Variants in SSBP2 observed in about 807,000 individuals in gnomAD.
SSBP2 encodes single stranded DNA binding protein 2.
Under a neutral mutation model 61.8 loss-of-function variants are expected in SSBP2, and 17 were observed. The ratio of observed to expected loss-of-function variants is 0.28; its 90% CI spans 0.19 to 0.41. The LOEUF (loss-of-function observed/expected upper bound fraction) is 0.41, where lower values mean the gene tolerates loss of function less well. Ranked by LOEUF, SSBP2 falls within the 10% of genes least tolerant of loss-of-function variation. The probability of loss-of-function intolerance (pLI) is 1.00; values close to 1 mark genes in which losing one functional copy is unlikely to be tolerated. For missense variants in SSBP2, 310 were observed against 458.7 expected (o/e 0.68, Z 2.96); for synonymous variants, 139 against 141.3 (o/e 0.98, Z 0.12).
chr5:81,633,336 G>A (rs13169112), intron 3 of SSBP2, among the ~76,000 whole-genome samples: 1 of 151,600 alleles, frequency 6.6e-6, no homozygotes, highest in Non-Finnish European at 1.5e-5. Context: ...GGCTGGTCTC[G>A]AACTCCTGAT....
intron 5 of SSBP2, among the ~76,000 whole-genome samples, chr5:81,501,262 T>TAC (rs1767722130): frequency 2.1e-5 from 1 of 46,528 alleles, no homozygotes; most frequent in Non-Finnish European, 3.9e-5. Context: ...TATATATATA[T>TAC]ATATATACAC....
intron 1 of SSBP2, among the ~76,000 whole-genome samples, chr5:81,737,874 C>T (rs1272282726): frequency 2.6e-5 from 4 of 151,792 alleles, no homozygotes; most frequent in African/African-American, 7.3e-5. Context: ...CCCTTCCATT[C>T]TCAAAACTCC....
At chr5:81,750,359 C>T (rs1054736888) in intron 1 of SSBP2, among the ~76,000 whole-genome samples, 8 of 145,848 alleles carry the variant, frequency 5.5e-5, no homozygotes, top group African/African-American at 1.2e-4. Flanking sequence ...CTCCGCGCCC[C>T]GCGCGCGTCT....
chr5:81,450,493 C>T (rs1026674671), intron 10 of SSBP2, among the ~76,000 whole-genome samples: 20 of 152,146 alleles, frequency 1.3e-4, no homozygotes, highest in African/African-American at 4.6e-4. Context: ...TCTAATTAGC[C>T]TTTAGATATT....
At chr5:81,648,685 T>A (rs1438985467) in intron 2 of SSBP2, among the ~76,000 whole-genome samples, 1 of 152,062 alleles carries the variant, frequency 6.6e-6, no homozygotes, top group African/African-American at 2.4e-5. Flanking sequence ...ACATGTATAA[T>A]TTAAAATTTT....
chr5:81,446,706 T>C (rs1331190237), intron 12 of SSBP2, among the ~76,000 whole-genome samples, 162 bp downstream of exon 12: 4 of 152,226 alleles, frequency 2.6e-5, no homozygotes, highest in Admixed American at 2.0e-4. Flanking sequence ...AACTGGATAA[T>C]ACTTATTTAA....
chr5:81,453,754 C>G (rs1763944411), intron 10 of SSBP2, among the ~76,000 whole-genome samples: 1 of 152,088 alleles, frequency 6.6e-6, no homozygotes, highest in Non-Finnish European at 1.5e-5. Flanking sequence ...CTGTGCCTGG[C>G]CCTGGGTTTA....
intron 1 of SSBP2, among the ~76,000 whole-genome samples, chr5:81,674,832 C>A (rs1232156070): frequency 6.6e-6 from 1 of 152,256 alleles, no homozygotes; most frequent in Admixed American, 6.5e-5. Flanking sequence ...TATGCCACTT[C>A]AGTGTTTTCT....
intron 10 of SSBP2, among the ~76,000 whole-genome samples, chr5:81,451,488 G>A (rs1231355355): frequency 6.6e-6 from 1 of 152,026 alleles, no homozygotes; most frequent in African/African-American, 2.4e-5. Context: ...GTGCAGTGGC[G>A]TGATCTAGGC....
chr5:81,619,508 C>T (rs1334359297), intron 3 of SSBP2, among the ~76,000 whole-genome samples: 5 of 143,274 alleles, frequency 3.5e-5, no homozygotes, highest in East Asian at 2.0e-4. Flanking sequence ...GATTCACAGC[C>T]GAATTCTACC....
intron 9 of SSBP2, among the ~76,000 whole-genome samples, chr5:81,465,011 G>C (rs1035848237): frequency 2.0e-5 from 3 of 151,808 alleles, no homozygotes; most frequent in Non-Finnish European, 4.4e-5. Context: ...CAATATAATA[G>C]TTACACTCTT....
At chr5:81,434,566 T>G (rs1178944637) in intron 15 of SSBP2, among the ~76,000 whole-genome samples, 1 of 133,364 alleles carries the variant, frequency 7.5e-6, no homozygotes, top group Non-Finnish European at 1.5e-5. Context: ...GAGGCGGAGG[T>G]TGCGGTGAGC....
intron 2 of SSBP2, among the ~76,000 whole-genome samples, chr5:81,648,837 AAAGGT>A (rs1223523096): frequency 1.8e-4 from 28 of 152,250 alleles, no homozygotes; most frequent in African/African-American, 6.7e-4. Context: ...TTTAAAAAGA[AAAGGT>A]AAAATTAATT....
chr5:81,463,750 A>C (rs1008127417), intron 9 of SSBP2, among the ~76,000 whole-genome samples: 18 of 151,460 alleles, frequency 1.2e-4, no homozygotes, highest in Non-Finnish European at 2.1e-4. Context: ...ACCAAAGAGA[A>C]AAATCCTCTT....
At chr5:81,484,755 T>C (rs1002687213) in intron 6 of SSBP2, among the ~76,000 whole-genome samples, 1 of 152,164 alleles carries the variant, frequency 6.6e-6, no homozygotes, top group Non-Finnish European at 1.5e-5. Flanking sequence ...ATCATTTCAA[T>C]ATACCATAAT....
At chr5:81,729,177 C>T (rs1756093400) in intron 1 of SSBP2, among the ~76,000 whole-genome samples, 1 of 151,918 alleles carries the variant, frequency 6.6e-6, no homozygotes, top group Admixed American at 6.6e-5. Context: ...AATAAATATG[C>T]TGTCCTCAAT....
Position 81,637,546 on chromosome 5 carries a change from G to A in SSBP2, c.136-928C>T, listed in dbSNP as rs1581223602. ...AAAATATCTTCATTTTAAGCAGAAT[G>A]GGATATGGGCATAAACTTTAACTTT... On this transcript the variant is annotated intron_variant, in intron 2 of 16. Transcript: ENST00000320672. Among the ~76,000 whole-genome samples the A allele has an allele frequency of 2.0e-5, 3 of 152,164 alleles. No homozygotes were observed. In the South Asian group the frequency reaches 6.2e-4, roughly 32 times the overall value.
chr5:81,456,350 C>CT (rs34736090), intron 10 of SSBP2, among the ~76,000 whole-genome samples: 32,357 of 133,354 alleles, frequency 0.24, 4,534 homozygotes, highest in Middle Eastern at 0.32. Context: ...CTATTTCTGC[C>CT]TTTTTTTTTT....
rs191807570 is a variant in SSBP2 at position 81,670,589 on chromosome 5, C to T, written c.63-20250G>A. On this transcript the variant is annotated intron_variant, in intron 1 of 16. Transcript: ENST00000320672. ...TCTAAATAATGTAAATTTTATATCC[C>T]GTGAAAATACTTTAAAGCTTTCTAA... Among the ~76,000 whole-genome samples the T allele has an allele frequency of 4.0e-3, 608 of 152,224 alleles. 11 individuals carry two copies. The highest frequency in any genetic ancestry group is 0.033 in the Admixed American group (510 of 15,278).
Sources: allele counts gnomAD v4.1 joint callset (sites outside exome capture counted in the v4.1 genomes callset), GRCh38; gene constraint gnomAD v4.1.1; transcripts MANE v1.5; gene names NCBI Gene and HGNC (gene_info 2026-07-23, HGNC 2026-07-21).